The following BRI3 variants were observed in gnomAD, a reference collection of about 807,000 sequenced individuals.
BRI3 encodes the protein membrane protein BRI3.
In BRI3, 6 loss-of-function variants were observed where a neutral mutation model predicts 12.8. That is an observed-to-expected ratio of 0.47 (90% CI 0.26 to 0.93). The LOEUF (loss-of-function observed/expected upper bound fraction) is 0.93. Ranked by LOEUF, BRI3 falls within the 40% of genes least tolerant of loss-of-function variation. BRI3 has a pLI of 0.15. For synonymous variants in BRI3, 91 were observed against 76.1 expected, an observed-to-expected ratio of 1.20 and a Z score of -1.02; for missense variants, 134 against 171.1, an observed-to-expected ratio of 0.78 and a Z score of 1.21.
upstream of BRI3, chr7:98,304,517 C>T (rs2116841275): frequency 2.4e-6 from 2 of 849,258 alleles, no homozygotes; most frequent in South Asian, 1.6e-5. Flanking sequence ...CACACAGACA[C>T]ACACAGTACA....
chr7:98,310,562 AT>A (rs1800829538), downstream of BRI3: 1 of 1,591,922 alleles, frequency 6.3e-7, no homozygotes, highest in Admixed American at 1.9e-5. Context: ...TTTGGTGAGC[AT>A]TTAGAAAGGG....
exon 2 of BRI3, chr7:98,308,097 G>T: frequency 1.4e-6 from 1 of 691,272 alleles, no homozygotes; most frequent in Non-Finnish European, 2.6e-6. Context: ...GCAGCGTGCA[G>T]CCTGAAGGCA....
downstream of BRI3, among the ~76,000 whole-genome samples, chr7:98,295,449 G>A (rs142432758): frequency 2.6e-5 from 4 of 152,328 alleles, no homozygotes; most frequent in African/African-American, 7.2e-5. Context: ...CGCTTCCCTA[G>A]CAGGCCTCAG....
chr7:98,317,837 A>G, the BRI3 span, among the ~76,000 whole-genome samples: 1 of 149,932 alleles, frequency 6.7e-6, no homozygotes, highest in Non-Finnish European at 1.5e-5. Context: ...GTCACCCCGT[A>G]GTTCACACCA....
chr7:98,289,121 C>T (rs1799811878), intron 2 of BRI3, among the ~76,000 whole-genome samples: 1 of 152,088 alleles, frequency 6.6e-6, no homozygotes, highest in Non-Finnish European at 1.5e-5. Context: ...CTACGCCCAG[C>T]TAATTTCTGT....
chr7:98,292,913 G>A (rs1800030129), downstream of BRI3: 2 of 1,406,086 alleles, frequency 1.4e-6, no homozygotes. Flanking sequence ...CTGTGATAAG[G>A]GCAGGCAAAG....
At chr7:98,315,625 A>AAAAAATAAT in the BRI3 span, 2 of 1,130,960 alleles carry the variant, frequency 1.8e-6, no homozygotes, top group African/African-American at 3.3e-5. Context: ...AAAAAAAAAA[A>AAAAAATAAT]AATAATAATA....
chr7:98,281,964 C>T (rs1396739112), intron 1 of BRI3, 27 bp downstream of exon 1: 17 of 1,288,230 alleles, frequency 1.3e-5, no homozygotes, highest in Non-Finnish European at 1.6e-5. Flanking sequence ...CTTTCCCCGC[C>T]GGCGGCTTCC....
chr7:98,284,984 T>C lies in BRI3; in HGVS notation c.245+2531T>C, dbSNP rs111381720. ...GTACCTAGGTGCAGGATGAGGTAGC[T>C]GCGCTGGGAGGCTCTCCTGGGCTGG... On this transcript the variant is annotated intron_variant, in intron 2 of 2. Transcript: ENST00000297290. 3.4e-3 allele frequency among the ~76,000 whole-genome samples: 525 copies of C among 152,254 alleles called. 4 individuals carry two copies. The highest frequency in any genetic ancestry group is 0.012 in the African/African-American group (496 of 41,554).
intron 2 of BRI3, 27 bp from the exon 3 acceptor site, chr7:98,291,084 C>CA: frequency 6.2e-7 from 1 of 1,613,694 alleles, no homozygotes; most frequent in Non-Finnish European, 8.5e-7. Context: ...CTTACGGTGC[C>CA]ACCCTCTCTG....
exon 2 of BRI3, chr7:98,307,707 T>G: frequency 6.2e-7 from 1 of 1,614,130 alleles, no homozygotes; most frequent in Non-Finnish European, 8.5e-7. Context: ...CACGTCGTGT[T>G]CTCCATAGAG....
At chr7:98,321,915 G>A in the BRI3 span, among the ~76,000 whole-genome samples, 2 of 152,080 alleles carry the variant, frequency 1.3e-5, no homozygotes, top group African/African-American at 2.4e-5. Flanking sequence ...GGCCAACACG[G>A]TGAAACCCCG....
intron 1 of BRI3, among the ~76,000 whole-genome samples, chr7:98,299,055 G>T (rs550519476): frequency 6.6e-6 from 1 of 152,002 alleles, no homozygotes; most frequent in South Asian, 2.1e-4. Flanking sequence ...TCCTCTTGTT[G>T]CCCAGGCTGG....
chr7:98,294,995 C>T (rs1279027404), downstream of BRI3, among the ~76,000 whole-genome samples: 5 of 152,200 alleles, frequency 3.3e-5, no homozygotes, highest in Admixed American at 6.5e-5. Flanking sequence ...GTCAGGCAGC[C>T]GCCCAGGAGA....
At chr7:98,305,047 GTTTTTTT>G (rs59633894), upstream of BRI3, among the ~76,000 whole-genome samples, 237 of 100,380 alleles carry the variant, frequency 2.4e-3, 1 homozygote, top group East Asian at 3.9e-3. Context: ...TTTGTTTTTT[GTTTTTTT>G]TTTTTTTTTT....
At chr7:98,315,641 A>AATAATAATT in the BRI3 span, 2 of 1,055,640 alleles carry the variant, frequency 1.9e-6, no homozygotes, top group Non-Finnish European at 2.5e-6. Context: ...TAATAATAAT[A>AATAATAATT]ATTATATAAG....
chr7:98,293,981 AC>A (rs1800076545), downstream of BRI3: 2 of 1,405,834 alleles, frequency 1.4e-6, no homozygotes, highest in Non-Finnish European at 2.0e-6. Context: ...CTCAGGCTGG[AC>A]CCCCTGGGCT....
chr7:98,294,011 C>A (rs371507314), downstream of BRI3: 3 of 1,568,514 alleles, frequency 1.9e-6, no homozygotes, highest in East Asian at 6.7e-5. Flanking sequence ...AAGGCCCTTC[C>A]GGGGGACACT....
chr7:98,305,054 T>TG (rs1562966156), upstream of BRI3, among the ~76,000 whole-genome samples: 4 of 118,920 alleles, frequency 3.4e-5, no homozygotes, highest in African/African-American at 1.4e-4. Flanking sequence ...TTTGTTTTTT[T>TG]TTTTTTTTTT....
Sources: allele counts gnomAD v4.1 joint callset (sites outside exome capture counted in the v4.1 genomes callset), GRCh38; gene constraint gnomAD v4.1.1; transcripts MANE v1.5; gene names NCBI Gene and HGNC (gene_info 2026-07-23, HGNC 2026-07-21).